The following ITGB4 variants were observed in gnomAD, a reference collection of about 807,000 sequenced individuals.
The protein encoded by ITGB4 is integrin subunit beta 4, also known as integrin beta-4.
ITGB4 carries 159 observed loss-of-function variants against 207.6 expected under a neutral mutation model. That is an observed-to-expected ratio of 0.77 (90% confidence interval 0.67 to 0.87). The LOEUF is 0.87. Among genes scored for constraint, ITGB4 ranks in the 40% least tolerant of loss-of-function variants. ITGB4 has a pLI of 0.00. For missense variants in ITGB4, 2,278 were observed against 2,546.8 expected, an observed-to-expected ratio of 0.89 and a Z score of 2.27; for synonymous variants, 1,020 against 1,062.7, an observed-to-expected ratio of 0.96 and a Z score of 0.78.
In ITGB4 at chr17:75,731,196, G is replaced by A; in HGVS notation, c.1093-50G>A. 3 of 1,612,824 alleles carry A rather than the reference G, an allele frequency of 1.9e-6. No individual in the cohort carries two copies. Among genetic ancestry groups the A allele is most frequent in the Non-Finnish European group, 1.7e-6 (2 of 1,179,920 alleles). ...CCAGCCACACTTGGAGGTTGGGGTG[G>A]AGCACAGAGGCCCCCCACAGAGCAC... On this transcript the variant is annotated intron_variant, in intron 9 of 39. Transcript: ENST00000200181. The surrounding 1 kb of genome is among the most constrained non-coding windows in gnomAD (Gnocchi z 6.8).
chr17:75,752,939 G>T (rs1392900983), intron 32 of ITGB4, among the ~76,000 whole-genome samples: 3 of 152,166 alleles, frequency 2.0e-5, no homozygotes, highest in Non-Finnish European at 4.4e-5. Flanking sequence ...CCTGGCAGGG[G>T]TAGGGGAGCC....
At position 75,729,537 on chromosome 17, in the gene ITGB4, G is replaced by T; in HGVS notation, c.738+101G>T. On this transcript the variant is annotated intron_variant, in intron 7 of 39. Transcript: ENST00000200181. This position sits in a 1 kb window ranked among gnomAD's most constrained non-coding sequence, Gnocchi z 4.4. The stretch of plus-strand genomic sequence containing the variant: ...GCCTGCTCTGGTGCCAGGCTCACAG[G>T]CCCTGAGGGAAAGCCTGGGAGCCTG... 2 of 1,299,344 alleles carry T rather than the reference G, an allele frequency of 1.5e-6. No homozygotes were observed. Among genetic ancestry groups the T allele is most frequent in the Non-Finnish European group, 2.1e-6 (2 of 959,170 alleles). 80.5% of individuals were successfully genotyped at this position (1,299,344 alleles called of 1,614,324 possible).
intron 15 of ITGB4, 29 bp from the exon 16 acceptor site, chr17:75,736,536 G>A (rs761224639): frequency 5.7e-6 from 9 of 1,586,680 alleles, no homozygotes; most frequent in Non-Finnish European, 6.9e-6. Context: ...CCAACACAGT[G>A]CCTGTCTGCC....
intron 34 of ITGB4, 153 bp downstream of exon 34, chr17:75,754,968 A>G: frequency 1.3e-6 from 2 of 1,537,968 alleles, no homozygotes; most frequent in East Asian, 2.3e-5. Context: ...ACACGCATGC[A>G]CACATGTACA....
At chr17:75,724,572 G>A (rs2060680124) in intron 1 of ITGB4, 122 bp from the exon 2 acceptor site, 1 of 812,260 alleles carries the variant, frequency 1.2e-6, no homozygotes, top group East Asian at 2.5e-5. Context: ...TGGCGGCTGG[G>A]CGCCCTTGGT....
chr17:75,756,680 A>G (rs769649198), intron 36 of ITGB4, 24 bp from the exon 37 acceptor site: 4 of 1,613,232 alleles, frequency 2.5e-6, no homozygotes, highest in Middle Eastern at 3.3e-4. Flanking sequence ...CCACAGGCTG[A>G]TGCTCTTCCT....
Position 75,742,257 on chromosome 17 carries a change from A to T in ITGB4, c.2634-84A>T. On this transcript the variant is annotated intron_variant, in intron 23 of 39. Coordinates refer to ENST00000200181, the MANE Select transcript of ITGB4 (RefSeq NM_000213.5). This position sits in a 1 kb window ranked among gnomAD's most constrained non-coding sequence, Gnocchi z 5.9. ...TTGCTGTCTTACATCCTGGCCCCTGAAGGGGAGAAGACAGGCAGGAGGGAC... is the reference window on the plus strand; with the variant it reads ...TTGCTGTCTTACATCCTGGCCCCTGTAGGGGAGAAGACAGGCAGGAGGGAC... 6.4e-7 allele frequency: 1 copy of T among 1,551,382 alleles called. No individual in the cohort carries two copies. The highest frequency in any genetic ancestry group is 8.9e-7 in the Non-Finnish European group (1 of 1,127,984).
In ITGB4 at chr17:75,739,809, G is replaced by C; in HGVS notation, c.2255-71G>C. ...GGAACGGCAGAGGCTGGAGGCTCTG[G>C]GGTCCCACCTGAAGAGGTTGGGCTG... On this transcript the variant is annotated intron_variant, in intron 19 of 39. Transcript: ENST00000200181. This position sits in a 1 kb window ranked among gnomAD's most constrained non-coding sequence, Gnocchi z 5.4. 6.2e-7 allele frequency: 1 copy of C among 1,606,714 alleles called. No homozygotes were observed. The highest frequency in any genetic ancestry group is 2.2e-5 in the East Asian group (1 of 44,840).
Position 75,743,870 on chromosome 17 carries a change from G to C in ITGB4, c.3111+9G>C, listed in dbSNP as rs1276300499. On this transcript the variant is annotated intron_variant, in intron 26 of 39. Transcript: ENST00000200181. ...CCGCGCAGGGCAACCGGGTGAGGCT[G>C]CGCCACAGGGTCGAGGGTGCAGCCC... 1 of 1,572,532 alleles carries C rather than the reference G, an allele frequency of 6.4e-7. No individual in the cohort carries two copies. Among genetic ancestry groups the C allele is most frequent in the Non-Finnish European group, 8.6e-7 (1 of 1,159,778 alleles).
Position 75,729,136 on chromosome 17 carries a change from G to C in ITGB4, c.567-129G>C, listed in dbSNP as rs2060794017. On this transcript the variant is annotated intron_variant, in intron 6 of 39. Coordinates refer to ENST00000200181, the MANE Select transcript of ITGB4 (RefSeq NM_000213.5). This position sits in a 1 kb window ranked among gnomAD's most constrained non-coding sequence, Gnocchi z 4.4. The stretch of plus-strand genomic sequence containing the variant: ...TCGTGCATACCGCACACCAGCCTGG[G>C]TGATAAAGCGAGACTTGGTCTCAAA... 4 of 815,904 alleles carry C rather than the reference G, an allele frequency of 4.9e-6. No homozygotes were observed. In the Admixed American group the frequency reaches 1.1e-4, roughly 22 times the overall value. 50.5% of individuals were successfully genotyped at this position (815,904 alleles called of 1,614,324 possible).
At chr17:75,728,213 A>G (rs2060765346) in intron 5 of ITGB4, among the ~76,000 whole-genome samples, 164 bp from the exon 6 acceptor site, 1 of 152,158 alleles carries the variant, frequency 6.6e-6, no homozygotes, top group South Asian at 2.1e-4. Flanking sequence ...CATTTCCCTC[A>G]TCCATAAATA....
At position 75,731,381 on chromosome 17, in the gene ITGB4, G is replaced by A. The variant is rs755924283; in HGVS notation, c.1215+13G>A. 10 of 1,606,270 alleles carry A rather than the reference G, an allele frequency of 6.2e-6. No individual in the cohort carries two copies. Among genetic ancestry groups the A allele is most frequent in the African/African-American group, 1.3e-5 (1 of 74,826 alleles). On this transcript the variant is annotated intron_variant, in intron 10 of 39. Transcript: ENST00000200181. This position sits in a 1 kb window ranked among gnomAD's most constrained non-coding sequence, Gnocchi z 6.8. ...GCGGGGGGAAGTGGTACGCCTCTGT[G>A]GGGGCAGCGGGGTGGGGGATAGGCA...
At chr17:75,738,677 G>T (rs1425847098) in intron 18 of ITGB4, among the ~76,000 whole-genome samples, 4 of 152,244 alleles carry the variant, frequency 2.6e-5, no homozygotes, top group African/African-American at 9.6e-5. Flanking sequence ...GCAGCTGGCG[G>T]TCACTGGGGA....
chr17:75,741,863 T>C (rs1051212046), intron 23 of ITGB4, among the ~76,000 whole-genome samples: 2 of 151,738 alleles, frequency 1.3e-5, no homozygotes, highest in African/African-American at 4.8e-5. Flanking sequence ...GGGCCAAGCA[T>C]TGTCCTAAGG....
chr17:75,732,529 T>A lies in ITGB4; in HGVS notation c.1454+290T>A, dbSNP rs1473879390. ...TCTTGGGGGACAGGCACACGAGGCTTCCTTTTTGCTCCATGCCTTTGGTAT... is the reference window on the plus strand; with the variant it reads ...TCTTGGGGGACAGGCACACGAGGCTACCTTTTTGCTCCATGCCTTTGGTAT... On this transcript the variant is annotated intron_variant, in intron 12 of 39. Coordinates refer to ENST00000200181, the MANE Select transcript of ITGB4 (RefSeq NM_000213.5). This position sits in a 1 kb window ranked among gnomAD's most constrained non-coding sequence, Gnocchi z 5.3. Among the ~76,000 whole-genome samples, 1 of 152,176 alleles carries A rather than the reference T, an allele frequency of 6.6e-6. No individual in the cohort carries two copies. The highest frequency in any genetic ancestry group is 1.5e-5 in the Non-Finnish European group (1 of 68,036).
At position 75,729,386 on chromosome 17, in the gene ITGB4, G is replaced by A; in HGVS notation, c.688G>A (p.Asp230Asn). 6.2e-7 allele frequency: 1 copy of A among 1,614,192 alleles called. No homozygotes were observed. The highest frequency in any genetic ancestry group is 8.5e-7 in the Non-Finnish European group (1 of 1,180,040). Residue 230 changes from aspartate (D) to asparagine (N), a missense_variant, in exon 7 of 40, where the codon GAT becomes AAT. Asp to Asn is a conservative substitution (Grantham distance 23, BLOSUM62 1). Coordinates refer to ENST00000200181, the MANE Select transcript of ITGB4 (RefSeq NM_000213.5). This position sits in a 1 kb window ranked among gnomAD's most constrained non-coding sequence, Gnocchi z 4.4. ...LQGERISGNL[D>N]APEGGFDAIL... ...GGGAGAGCGGATCTCAGGCAACCTG[G>A]ATGCTCCTGAGGGCGGCTTCGATGC...
intron 16 of ITGB4, 33 bp from the exon 17 acceptor site, chr17:75,737,289 C>T (rs1168745254): frequency 7.0e-6 from 11 of 1,578,292 alleles, no homozygotes; most frequent in South Asian, 3.5e-5. Flanking sequence ...AGGGGTGTGG[C>T]TGGGGTGCCC....
Position 75,731,545 on chromosome 17 carries a change from G to A in ITGB4, c.1215+177G>A, listed in dbSNP as rs555759349. 2.0e-5 allele frequency among the ~76,000 whole-genome samples: 3 copies of A among 152,260 alleles called. No individual in the cohort carries two copies. The highest frequency in any genetic ancestry group is 1.9e-4 in the East Asian group (1 of 5,154). ...TGCTCCTCTGCTTGTTGGTTTCCTC[G>A]GCATGCAAGCGTCGAGCCCGGAGGC... On this transcript the variant is annotated intron_variant, in intron 10 of 39. Transcript: ENST00000200181. The surrounding 1 kb of genome is among the most constrained non-coding windows in gnomAD (Gnocchi z 6.8).
intron 34 of ITGB4, chr17:75,755,088 G>C: frequency 6.2e-7 from 1 of 1,602,096 alleles, no homozygotes; most frequent in Non-Finnish European, 8.5e-7. Flanking sequence ...GGGAGGAGCA[G>C]GCTTCCGCTG....
Sources: allele counts gnomAD v4.1 joint callset (sites outside exome capture counted in the v4.1 genomes callset), GRCh38; gene constraint gnomAD v4.1.1; non-coding constraint Gnocchi (gnomAD v3.1); transcripts MANE v1.5; gene names NCBI Gene and HGNC (gene_info 2026-07-23, HGNC 2026-07-21).